The following STAB2 variants were observed in gnomAD, a reference collection of about 807,000 sequenced individuals.
The protein encoded by STAB2 is stabilin 2, also known as stabilin-2.
A neutral mutation model predicts 338.1 loss-of-function variants in STAB2; 288 were observed. The observed-to-expected ratio is 0.85, with a 90% CI of 0.77 to 0.94. STAB2 has a LOEUF of 0.94. Among genes scored for constraint, STAB2 ranks in the 40% least tolerant of loss-of-function variants. The pLI is 0.00. For synonymous variants in STAB2, 1,202 were observed against 1,193.3 expected (o/e 1.01, Z -0.15); for missense variants, 3,141 against 3,210.1 (o/e 0.98, Z 0.52).
intron 44 of STAB2, among the ~76,000 whole-genome samples, chr12:103,720,471 C>T (rs938128056): frequency 2.0e-5 from 3 of 152,072 alleles, no homozygotes; most frequent in African/African-American, 7.2e-5. Context: ...CTATGTCAGC[C>T]CAGTGTTGAC....
intron 16 of STAB2, 111 bp from the exon 17 acceptor site, chr12:103,660,572 C>G: frequency 7.4e-7 from 1 of 1,351,664 alleles, no homozygotes; most frequent in South Asian, 1.2e-5. Flanking sequence ...GATCAAAACT[C>G]CCTTTACTTA....
chr12:103,644,882 T>C (rs1188957403), intron 9 of STAB2, among the ~76,000 whole-genome samples: 1 of 152,244 alleles, frequency 6.6e-6, no homozygotes, highest in Non-Finnish European at 1.5e-5. Flanking sequence ...ATGATTATTA[T>C]GCATTGCATG....
intron 42 of STAB2, among the ~76,000 whole-genome samples, chr12:103,715,112 T>C (rs947139039): frequency 1.3e-5 from 2 of 152,226 alleles, no homozygotes; most frequent in African/African-American, 2.4e-5. Flanking sequence ...CCAACTTTTT[T>C]TTAGTAGCAT....
chr12:103,721,225 C>A (rs890929831), intron 44 of STAB2, among the ~76,000 whole-genome samples: 2 of 152,118 alleles, frequency 1.3e-5, no homozygotes, highest in African/African-American at 4.8e-5. Flanking sequence ...GGGGAAGGGT[C>A]GTAGTGATCA....
rs542631461 is a variant in STAB2 at position 103,700,477 on chromosome 12, TTCTG to T, written c.3714+1251_3714+1254del. 2.6e-5 allele frequency among the ~76,000 whole-genome samples: 4 copies of T among 152,346 alleles called. No individual in the cohort carries two copies. The South Asian group carries it at 8.3e-4, about 32-fold the overall frequency. ...TATCTGCTTATGGGGAAAAAAGTCT[TTCTG>T]ACTCTTGATTGATTAAAGAATAATC... On this transcript the variant is annotated intron_variant, in intron 34 of 68. Coordinates refer to ENST00000388887, the MANE Select transcript of STAB2 (RefSeq NM_017564.10).
intron 52 of STAB2, among the ~76,000 whole-genome samples, chr12:103,736,486 G>A (rs573606111): frequency 6.6e-6 from 1 of 152,108 alleles, no homozygotes. Context: ...TTTCATTCCA[G>A]CTTCTGGTAC....
chr12:103,683,269 G>T lies in STAB2; in HGVS notation c.2870G>T (p.Cys957Phe). The T allele has an allele frequency of 6.2e-7, 1 of 1,611,658 alleles. No individual in the cohort carries two copies. The highest frequency in any genetic ancestry group is 8.5e-7 in the Non-Finnish European group (1 of 1,179,110). The change falls in exon 26 of 69, where the codon TGC (cysteine) becomes TTC (phenylalanine). Residue 957 changes from cysteine (C) to phenylalanine (F), a missense_variant. Cys to Phe is a radical substitution (Grantham distance 205). Transcript: ENST00000388887. ...NGIDCEPITS[C>F]LEQTGKCHPL... The stretch of plus-strand genomic sequence containing the variant: ...ATTGACTGTGAACCAATAACTTCAT[G>T]CTTGGAACAAACCGGGAAATGTCAT...
intron 3 of STAB2, among the ~76,000 whole-genome samples, chr12:103,619,442 A>G (rs1957262785): frequency 6.6e-6 from 1 of 152,122 alleles, no homozygotes; most frequent in Non-Finnish European, 1.5e-5. Flanking sequence ...AACTTCTGTC[A>G]CTTGCCATAA....
At chr12:103,705,360 T>C (rs940077521) in intron 36 of STAB2, among the ~76,000 whole-genome samples, 4 of 152,240 alleles carry the variant, frequency 2.6e-5, no homozygotes, top group Non-Finnish European at 5.9e-5. Flanking sequence ...TCTACAATTC[T>C]TGCAAACTTA....
In STAB2 at chr12:103,758,291, T is replaced by G; in HGVS notation, c.7107+2T>G. ...AACAGTGGGCTGGGGGAGAATGAGG[T>G]GAGTTGAGTCCCTGGTGCCTTTGCT... On this transcript the variant is annotated splice_donor_variant, in intron 64 of 68. Coordinates refer to ENST00000388887, the MANE Select transcript of STAB2 (RefSeq NM_017564.10). LOFTEE classifies it high-confidence loss of function. 1 of 1,613,142 alleles carries G rather than the reference T, an allele frequency of 6.2e-7. No individual in the cohort carries two copies. Among genetic ancestry groups the G allele is most frequent in the Non-Finnish European group, 8.5e-7 (1 of 1,180,000 alleles).
chr12:103,592,782 C>G (rs1956819725), intron 2 of STAB2, among the ~76,000 whole-genome samples: 1 of 152,168 alleles, frequency 6.6e-6, no homozygotes, highest in African/African-American at 2.4e-5. Flanking sequence ...CACTAAATCT[C>G]TAGAATGTTT....
chr12:103,624,930 G>A (rs1343263302), intron 5 of STAB2, among the ~76,000 whole-genome samples: 1 of 96,520 alleles, frequency 1.0e-5, no homozygotes. Flanking sequence ...GACAGAGCAA[G>A]ACTCCATCTC....
intron 6 of STAB2, among the ~76,000 whole-genome samples, chr12:103,635,655 G>A (rs1301552069): frequency 6.6e-6 from 1 of 152,196 alleles, no homozygotes; most frequent in East Asian, 1.9e-4. Flanking sequence ...CTGGTCATCT[G>A]GAGAGCTGGA....
chr12:103,589,829 A>AT (rs1200069870), intron 1 of STAB2, among the ~76,000 whole-genome samples: 10 of 152,152 alleles, frequency 6.6e-5, no homozygotes, highest in Non-Finnish European at 1.2e-4. Flanking sequence ...TACTTCAGAC[A>AT]TTTTTGCCAG....
intron 30 of STAB2, 77 bp downstream of exon 30, chr12:103,690,615 T>C: frequency 1.5e-6 from 2 of 1,291,116 alleles, no homozygotes; most frequent in Non-Finnish European, 2.2e-6. Flanking sequence ...ATTTTCATGT[T>C]ATGGGAACTT....
At chr12:103,638,485 T>G (rs765649285) in intron 8 of STAB2, among the ~76,000 whole-genome samples, 2 of 152,206 alleles carry the variant, frequency 1.3e-5, no homozygotes, top group Non-Finnish European at 2.9e-5. Context: ...TGGCAAAATA[T>G]ACACATAATT....
chr12:103,675,738 T>G (rs940982207), intron 23 of STAB2, among the ~76,000 whole-genome samples, 190 bp from the exon 24 acceptor site: 1 of 152,232 alleles, frequency 6.6e-6, no homozygotes, highest in African/African-American at 2.4e-5. Flanking sequence ...GTGGGCAGGC[T>G]TCATTTCCAC....
chr12:103,636,922 TATTG>T (rs1957556525), intron 6 of STAB2, among the ~76,000 whole-genome samples, 185 bp from the exon 7 acceptor site: 1 of 152,238 alleles, frequency 6.6e-6, no homozygotes, highest in South Asian at 2.1e-4. Flanking sequence ...TAATATATTT[TATTG>T]ATTGATGATA....
At chr12:103,626,619 C>T (rs75401102) in intron 5 of STAB2, among the ~76,000 whole-genome samples, 145 of 152,286 alleles carry the variant, frequency 9.5e-4, no homozygotes, top group African/African-American at 3.1e-3. Flanking sequence ...AATGACTCAG[C>T]GATGCCTGGT....
Sources: gnomAD v4.1 joint callset for allele counts (sites outside exome capture counted in the v4.1 genomes callset) on GRCh38, gnomAD v4.1.1 for gene constraint, MANE v1.5 for transcripts, NCBI Gene and HGNC (gene_info 2026-07-23, HGNC 2026-07-21) for gene names.